The following ZFAND3 variants were observed in gnomAD, a reference collection of about 807,000 sequenced individuals.
ZFAND3 encodes the protein AN1-type zinc finger protein 3.
In ZFAND3, 10 loss-of-function variants were observed where a neutral mutation model predicts 29.6. The ratio of observed to expected loss-of-function variants is 0.34; its 90% CI spans 0.21 to 0.57. The LOEUF is 0.57. Ranked by LOEUF, ZFAND3 falls within the 20% of genes least tolerant of loss-of-function variation. The pLI is 0.86. For synonymous variants in ZFAND3, 128 were observed against 112.6 expected (o/e 1.14, Z -0.87); for missense variants, 230 against 304.5 (o/e 0.76, Z 1.82).
At position 37,819,840 on chromosome 6, in the gene ZFAND3, C is replaced by G. The variant is rs1763624151; in HGVS notation, c.-106C>G. The G allele has an allele frequency of 2.7e-6, 2 of 737,926 alleles. No homozygotes were observed. The highest frequency in any genetic ancestry group is 3.5e-6 in the Non-Finnish European group (2 of 575,134). 45.7% of individuals were successfully genotyped at this position (737,926 alleles called of 1,614,324 possible). A position where few individuals can be genotyped will look rare whatever the true frequency, so the allele number is the denominator to read the frequency against. ...CGCGCGCCCGCTCCTTCCCCCTCCC[C>G]CCGCCCCGAGCCCCCCGACGCCGCC... On this transcript the variant is annotated 5_prime_UTR_variant, in exon 1 of 6. Coordinates refer to ENST00000287218, the MANE Select transcript of ZFAND3 (RefSeq NM_021943.3).
chr6:37,977,828 TTTCCTTCCTTCC>T (rs375787038), intron 2 of ZFAND3, among the ~76,000 whole-genome samples: 1 of 76,420 alleles, frequency 1.3e-5, no homozygotes, highest in African/African-American at 5.0e-5. Context: ...GTAAAATGCT[TTTCCTTCCTTCC>T]TTCCTTCCTT....
chr6:38,072,981 A>G (rs973900784), intron 3 of ZFAND3, among the ~76,000 whole-genome samples: 4 of 152,212 alleles, frequency 2.6e-5, no homozygotes, highest in African/African-American at 7.2e-5. Context: ...TTGCAAAGAG[A>G]GATCCTATTA....
chr6:38,081,270 C>G (rs1764657079), intron 3 of ZFAND3, among the ~76,000 whole-genome samples: 1 of 151,578 alleles, frequency 6.6e-6, no homozygotes, highest in South Asian at 2.1e-4. Flanking sequence ...GTTTTTTCCT[C>G]TTTTAAAATT....
intron 2 of ZFAND3, among the ~76,000 whole-genome samples, chr6:38,015,741 A>G (rs190607136): frequency 6.1e-4 from 93 of 152,350 alleles, no homozygotes; most frequent in Non-Finnish European, 1.0e-3. Flanking sequence ...ATTTGTAGAA[A>G]TAGTATTAAA....
At chr6:38,017,420 G>C (rs1763270923) in intron 2 of ZFAND3, among the ~76,000 whole-genome samples, 1 of 152,146 alleles carries the variant, frequency 6.6e-6, no homozygotes, top group Non-Finnish European at 1.5e-5. Flanking sequence ...AGTTATTAGT[G>C]TGCCCAGTGA....
At chr6:38,007,814 G>T (rs1182117754) in intron 2 of ZFAND3, among the ~76,000 whole-genome samples, 2 of 152,180 alleles carry the variant, frequency 1.3e-5, no homozygotes, top group African/African-American at 4.8e-5. Flanking sequence ...ACCCACATCA[G>T]TTTCCGTAGG....
chr6:37,950,379 G>GTTT (rs1159316821), intron 2 of ZFAND3, among the ~76,000 whole-genome samples: 1 of 137,848 alleles, frequency 7.3e-6, no homozygotes, highest in East Asian at 2.1e-4. Flanking sequence ...TTGTTGACTT[G>GTTT]TTTTTTTTTT....
At position 38,074,182 on chromosome 6, in the gene ZFAND3, C is replaced by A. The variant is rs184885788; in HGVS notation, c.296-8210C>A. Among the ~76,000 whole-genome samples the A allele has an allele frequency of 3.3e-5, 5 of 152,264 alleles. No homozygotes were observed. The East Asian group carries it at 9.6e-4, about 29-fold the overall frequency. ...ATCCATGAGATCTTTCCTTTTCCAACTACATATTTATGTAATAGTGTGCTT... is the reference window on the plus strand; with the variant it reads ...ATCCATGAGATCTTTCCTTTTCCAAATACATATTTATGTAATAGTGTGCTT... On this transcript the variant is annotated intron_variant, in intron 3 of 5. Coordinates refer to ENST00000287218, the MANE Select transcript of ZFAND3 (RefSeq NM_021943.3).
intron 1 of ZFAND3, among the ~76,000 whole-genome samples, chr6:37,908,542 T>TA (rs70981504): frequency 0.26 from 32,449 of 123,164 alleles, 4,248 homozygotes; most frequent in Non-Finnish European, 0.34. Flanking sequence ...AAAAAAAAAT[T>TA]AAAAAAAAAA....
chr6:38,112,473 G>A (rs1005078546), intron 4 of ZFAND3, among the ~76,000 whole-genome samples: 1 of 152,186 alleles, frequency 6.6e-6, no homozygotes, highest in African/African-American at 2.4e-5. Context: ...GTTATTTCTT[G>A]TCACCTCTCT....
At chr6:38,144,221 A>ATTTTTTT (rs1562016174) in intron 5 of ZFAND3, among the ~76,000 whole-genome samples, 2 of 70,068 alleles carry the variant, frequency 2.9e-5, no homozygotes, top group East Asian at 7.7e-4. Flanking sequence ...AATATATAAT[A>ATTTTTTT]TATATATATA....
chr6:38,109,045 C>T (rs1765262735), intron 4 of ZFAND3, among the ~76,000 whole-genome samples: 1 of 151,958 alleles, frequency 6.6e-6, no homozygotes, highest in Admixed American at 6.6e-5. Flanking sequence ...CCTCTCTCAA[C>T]ACTCGTATTC....
chr6:38,070,992 G>C (rs1009584876), intron 3 of ZFAND3, among the ~76,000 whole-genome samples: 1 of 151,346 alleles, frequency 6.6e-6, no homozygotes, highest in African/African-American at 2.4e-5. Context: ...CCAGTGATTT[G>C]CCTATCAGTG....
At chr6:38,135,991 A>G (rs1175999725) in intron 5 of ZFAND3, among the ~76,000 whole-genome samples, 1 of 152,160 alleles carries the variant, frequency 6.6e-6, no homozygotes, top group Non-Finnish European at 1.5e-5. Flanking sequence ...AAAGAAATCC[A>G]TGTGTTGGAG....
intron 2 of ZFAND3, among the ~76,000 whole-genome samples, chr6:38,021,655 T>A (rs1281492345): frequency 6.6e-6 from 1 of 152,248 alleles, no homozygotes; most frequent in Admixed American, 6.5e-5. Flanking sequence ...TGAAGATATA[T>A]GGGTGAAAAT....
chr6:38,082,520 G>A, intron 4 of ZFAND3, 63 bp downstream of exon 4: 2 of 1,507,952 alleles, frequency 1.3e-6, no homozygotes, highest in Non-Finnish European at 1.8e-6. Context: ...GTTAGCAACT[G>A]GTTCTAACTT....
At chr6:38,124,221 G>A (rs1765587033) in intron 5 of ZFAND3, among the ~76,000 whole-genome samples, 1 of 152,214 alleles carries the variant, frequency 6.6e-6, no homozygotes, top group African/African-American at 2.4e-5. Context: ...TAGACATAAA[G>A]GTTCTCCAAG....
chr6:38,022,719 T>C (rs1429544689), intron 2 of ZFAND3, among the ~76,000 whole-genome samples: 2 of 152,236 alleles, frequency 1.3e-5, no homozygotes, highest in Non-Finnish European at 2.9e-5. Context: ...TAACCTTGCT[T>C]TTCTATCCCT....
At chr6:37,830,707 C>A (rs1763844267) in intron 1 of ZFAND3, among the ~76,000 whole-genome samples, 2 of 152,156 alleles carry the variant, frequency 1.3e-5, no homozygotes, top group Admixed American at 6.5e-5. Context: ...TTGCCACAAC[C>A]TATTAATTCC....
Sources: gnomAD v4.1 joint callset for allele counts (sites outside exome capture counted in the v4.1 genomes callset) on GRCh38, gnomAD v4.1.1 for gene constraint, MANE v1.5 for transcripts, NCBI Gene and HGNC (gene_info 2026-07-23, HGNC 2026-07-21) for gene names.